The following MTARC1 variants were observed in gnomAD, a reference collection of about 807,000 sequenced individuals.
MTARC1 encodes mitochondrial amidoxime-reducing component 1.
In MTARC1, 24 loss-of-function variants were observed where a neutral mutation model predicts 33.6. The ratio of observed to expected loss-of-function variants is 0.72; its 90% CI spans 0.52 to 1.01. MTARC1 has a LOEUF of 1.01. Among genes scored for constraint, MTARC1 ranks in the 50% least tolerant of loss-of-function variants. The pLI is 0.00. For synonymous variants in MTARC1, 187 were observed against 189.5 expected (o/e 0.99, Z 0.11); for missense variants, 417 against 445.7 (o/e 0.94, Z 0.58).
rs1255253996 is a variant in MTARC1 at position 220,805,330 on chromosome 1, A to G, written c.887+56A>G. On this transcript the variant is annotated intron_variant, in intron 6 of 6. Transcript: ENST00000366910. ...GGTTTAGGTGCCGGGAACGGAAGCAATATTTGTTGCTTAATGTTTATAAGA... is the reference window on the plus strand; with the variant it reads ...GGTTTAGGTGCCGGGAACGGAAGCAGTATTTGTTGCTTAATGTTTATAAGA... 3 of 1,584,976 alleles carry G rather than the reference A, an allele frequency of 1.9e-6. No homozygotes were observed. The African/African-American group carries it at 4.0e-5, about 21-fold the overall frequency.
At chr1:220,787,250 T>C (rs1672263896) in intron 1 of MTARC1, 31 bp downstream of exon 1, 3 of 1,541,348 alleles carry the variant, frequency 1.9e-6, no homozygotes, top group Non-Finnish European at 2.6e-6. Flanking sequence ...GGGGCAGCGC[T>C]GATCCGGCTC....
chr1:220,809,291 T>C (rs977182231), intron 6 of MTARC1, among the ~76,000 whole-genome samples: 6 of 152,192 alleles, frequency 3.9e-5, no homozygotes, highest in African/African-American at 1.4e-4. Context: ...CTGTACACAG[T>C]GACCATGTAA....
In MTARC1 at chr1:220,817,717, T is replaced by G. The variant is rs1673310430; in HGVS notation, c.*4299T>G. 1 of 152,538 alleles carries G rather than the reference T, an allele frequency of 6.6e-6. No homozygotes were observed. The highest frequency in any genetic ancestry group is 1.5e-5 in the Non-Finnish European group (1 of 68,298). The allele number at this position is 152,538 out of a possible 1,614,324, so 9.4% of individuals were successfully genotyped here. A position where few individuals can be genotyped will look rare whatever the true frequency, so the allele number is the denominator to read the frequency against. ...AAGTCCAGCTGGCTTCACCTCTCAC[T>G]GGGACTACAGGTGCACACCACCACA... On this transcript the variant is annotated 3_prime_UTR_variant, in exon 7 of 7. Transcript: ENST00000366910.
chr1:220,803,141 G>A lies in MTARC1; in HGVS notation c.754-1911G>A, dbSNP rs1672866838. Among the ~76,000 whole-genome samples, 4 of 152,204 alleles carry A rather than the reference G, an allele frequency of 2.6e-5. No homozygotes were observed. In the South Asian group the frequency reaches 8.3e-4, roughly 32 times the overall value. On this transcript the variant is annotated intron_variant, in intron 4 of 6. Transcript: ENST00000366910. ...AATGGACTCACAGTTCCACATGGCT[G>A]TGGAGCCCTCACAATCATGGCAGAA...
chr1:220,812,457 A>G (rs1236875896), intron 6 of MTARC1, among the ~76,000 whole-genome samples: 1 of 152,230 alleles, frequency 6.6e-6, no homozygotes, highest in African/African-American at 2.4e-5. Context: ...TTAAGAAGTT[A>G]TTATGATAGT....
intron 3 of MTARC1, 77 bp downstream of exon 3, chr1:220,796,882 C>T: frequency 6.9e-7 from 1 of 1,447,966 alleles, no homozygotes; most frequent in Non-Finnish European, 9.2e-7. Flanking sequence ...TCTCTGATGA[C>T]CTCGGCTCTG....
intron 1 of MTARC1, among the ~76,000 whole-genome samples, chr1:220,789,705 T>G (rs1672363856): frequency 6.6e-6 from 1 of 152,222 alleles, no homozygotes; most frequent in South Asian, 2.1e-4. Context: ...ATGTGGTATA[T>G]ACACACAATG....
intron 1 of MTARC1, among the ~76,000 whole-genome samples, chr1:220,787,536 A>G (rs998233896): frequency 3.9e-5 from 6 of 152,078 alleles, no homozygotes; most frequent in African/African-American, 9.7e-5. Context: ...CCAGTGAGCA[A>G]ACTTCTTAAT....
intron 2 of MTARC1, 43 bp from the exon 3 acceptor site, chr1:220,796,600 T>G (rs932307141): frequency 2.0e-5 from 31 of 1,526,542 alleles, no homozygotes; most frequent in South Asian, 2.5e-5. Flanking sequence ...GGTGCATGGA[T>G]TTTCAAAGCC....
At chr1:220,810,639 C>T (rs1388883105) in intron 6 of MTARC1, among the ~76,000 whole-genome samples, 1 of 152,194 alleles carries the variant, frequency 6.6e-6, no homozygotes, top group Non-Finnish European at 1.5e-5. Context: ...GTCCTCTGCT[C>T]CTCATTACCT....
chr1:220,807,058 A>T (rs1672992102), intron 6 of MTARC1, among the ~76,000 whole-genome samples: 1 of 152,200 alleles, frequency 6.6e-6, no homozygotes, highest in Non-Finnish European at 1.5e-5. Context: ...CAATACTCAA[A>T]ACATTAACAA....
intron 4 of MTARC1, chr1:220,798,372 C>T (rs1315079115): frequency 8.4e-6 from 10 of 1,195,346 alleles, no homozygotes; most frequent in Non-Finnish European, 1.1e-5. Context: ...AAAGGATGGT[C>T]TTACTGTTTA....
chr1:220,798,232 C>A (rs1672683975), intron 4 of MTARC1: 3 of 1,476,160 alleles, frequency 2.0e-6, no homozygotes, highest in East Asian at 2.8e-5. Context: ...ATCAAGGAGG[C>A]AGTTCAGTAT....
At chr1:220,800,890 G>C (rs72472311) in intron 4 of MTARC1, among the ~76,000 whole-genome samples, 1,685 of 111,744 alleles carry the variant, frequency 0.015, 16 homozygotes, top group Non-Finnish European at 0.02. Context: ...CTTGGTGGCT[G>C]GGCCTTCCCC....
chr1:220,809,480 G>A (rs773112219), intron 6 of MTARC1, among the ~76,000 whole-genome samples: 4 of 126,342 alleles, frequency 3.2e-5, no homozygotes, highest in Admixed American at 1.5e-4. Flanking sequence ...TCACGATGCC[G>A]TCTAATTCTT....
intron 6 of MTARC1, among the ~76,000 whole-genome samples, chr1:220,807,364 CTT>C (rs1673001031): frequency 6.6e-6 from 1 of 152,128 alleles, no homozygotes; most frequent in Non-Finnish European, 1.5e-5. Context: ...TGGTGGATAA[CTT>C]GAGGTCAGGA....
chr1:220,798,850 C>T (rs1672700233), intron 4 of MTARC1: 1 of 985,352 alleles, frequency 1.0e-6, no homozygotes, highest in South Asian at 4.7e-5. Flanking sequence ...GGAATCAAAG[C>T]AATTGAGTTT....
intron 2 of MTARC1, chr1:220,794,441 C>G (rs1057154328): frequency 6.6e-6 from 1 of 151,988 alleles, no homozygotes; most frequent in Non-Finnish European, 1.5e-5. Flanking sequence ...GCTAAGCCCC[C>G]CACATATATT....
chr1:220,805,494 T>C (rs1335590660), intron 6 of MTARC1, among the ~76,000 whole-genome samples: 1 of 152,240 alleles, frequency 6.6e-6, no homozygotes, highest in African/African-American at 2.4e-5. Context: ...CATTTAGAAA[T>C]CATAATTCAA....
Sources: allele counts gnomAD v4.1 joint callset (sites outside exome capture counted in the v4.1 genomes callset), GRCh38; gene constraint gnomAD v4.1.1; transcripts MANE v1.5; gene names NCBI Gene and HGNC (gene_info 2026-07-23, HGNC 2026-07-21).